MPPED1: variants seen among roughly 807,000 people sequenced by gnomAD.
The protein encoded by MPPED1 is metallophosphoesterase domain-containing protein 1.
In MPPED1, 16 loss-of-function variants were observed where a neutral mutation model predicts 36.2. That is an observed-to-expected ratio of 0.44 (90% CI 0.30 to 0.67). MPPED1 has a LOEUF of 0.67. Ranked by LOEUF, MPPED1 falls within the 30% of genes least tolerant of loss-of-function variation. The pLI is 0.10. For synonymous variants in MPPED1, 199 were observed against 191.3 expected (o/e 1.04, Z -0.33); for missense variants, 307 against 453.4 (o/e 0.68, Z 2.93).
chr22:43,434,303 C>T (rs936391651), intron 2 of MPPED1, among the ~76,000 whole-genome samples: 1 of 152,362 alleles, frequency 6.6e-6, no homozygotes, highest in African/African-American at 2.4e-5. Context: ...TAGAAATGAT[C>T]ACACTGTCTT....
chr22:43,444,822 T>G (rs1279177540), intron 3 of MPPED1, among the ~76,000 whole-genome samples: 2 of 152,254 alleles, frequency 1.3e-5, no homozygotes, highest in Non-Finnish European at 2.9e-5. Context: ...TGTAGTTTGT[T>G]ATTCATTTGG....
chr22:43,488,852 G>A (rs1184686907), intron 4 of MPPED1, among the ~76,000 whole-genome samples: 2 of 152,248 alleles, frequency 1.3e-5, no homozygotes, highest in Non-Finnish European at 2.9e-5. Context: ...CAGGCGCTGT[G>A]GTGTGCCCCG....
intron 4 of MPPED1, among the ~76,000 whole-genome samples, chr22:43,493,430 T>G (rs1461162503): frequency 6.6e-6 from 1 of 152,164 alleles, no homozygotes; most frequent in African/African-American, 2.4e-5. Context: ...TGAGCACTGG[T>G]GCTGGTGATG....
intron 3 of MPPED1, among the ~76,000 whole-genome samples, chr22:43,445,925 C>T (rs140895408): frequency 0.011 from 1,394 of 126,006 alleles, 69 homozygotes; most frequent in Admixed American, 0.095. Flanking sequence ...GGCTGGAGTG[C>T]AGTGGTGTGA....
intron 3 of MPPED1, among the ~76,000 whole-genome samples, chr22:43,465,078 A>T (rs1048403509): frequency 6.6e-6 from 1 of 152,174 alleles, no homozygotes; most frequent in African/African-American, 2.4e-5. Flanking sequence ...CAGGACCTTT[A>T]TGTCACGTCT....
chr22:43,412,105 G>T lies in MPPED1; in HGVS notation c.-132G>T. On this transcript the variant is annotated 5_prime_UTR_variant, in exon 1 of 7. Coordinates refer to ENST00000443721, the MANE Select transcript of MPPED1 (RefSeq NM_001044370.2). The stretch of plus-strand genomic sequence containing the variant: ...CTCCCGGGAGCCCCTGCCTCCCTCG[G>T]TGCGCGCTGCTGCTCGCAGCCGCCG... The T allele has an allele frequency of 1.0e-6, 1 of 979,600 alleles. No homozygotes were observed. The highest frequency in any genetic ancestry group is 1.2e-6 in the Non-Finnish European group (1 of 827,646). The allele number at this position is 979,600 out of a possible 1,614,324, so 60.7% of individuals were successfully genotyped here.
At chr22:43,423,831 C>T (rs140283354) in intron 1 of MPPED1, among the ~76,000 whole-genome samples, 263 of 152,298 alleles carry the variant, frequency 1.7e-3, no homozygotes, top group African/African-American at 5.8e-3. Flanking sequence ...CAAAAGGAAT[C>T]GTTGGAGGGT....
At chr22:43,442,496 GC>G (rs1930185057) in intron 3 of MPPED1, among the ~76,000 whole-genome samples, 1 of 152,194 alleles carries the variant, frequency 6.6e-6, no homozygotes, top group Admixed American at 6.5e-5. Flanking sequence ...TAGTACCTGG[GC>G]ACCCGCCCCT....
rs568696291 is a variant in MPPED1, at chr22:43,470,398, A to G, written c.407-4338A>G. Among the ~76,000 whole-genome samples the G allele has an allele frequency of 7.9e-5, 12 of 151,934 alleles. No homozygotes were observed. The South Asian group carries it at 2.3e-3, about 29-fold the overall frequency. On this transcript the variant is annotated intron_variant, in intron 3 of 6. Coordinates refer to ENST00000443721, the MANE Select transcript of MPPED1 (RefSeq NM_001044370.2). ...AAAGCACCCATTCATCCACTCATCC[A>G]TCTGTCTATCTGTAAGCCATCCATT... is the stretch of plus-strand genomic sequence containing the variant.
chr22:43,462,631 C>T (rs151140977), intron 3 of MPPED1, among the ~76,000 whole-genome samples: 14 of 152,222 alleles, frequency 9.2e-5, no homozygotes, highest in African/African-American at 3.4e-4. Flanking sequence ...TTTCATGTGT[C>T]CATCATAGTT....
intron 4 of MPPED1, among the ~76,000 whole-genome samples, chr22:43,489,253 C>A: frequency 6.6e-6 from 1 of 152,114 alleles, no homozygotes; most frequent in East Asian, 1.9e-4. Context: ...TCTTTTGTCT[C>A]CTCTGCCCAG....
At chr22:43,476,334 C>T (rs1601997410) in intron 4 of MPPED1, among the ~76,000 whole-genome samples, 1 of 152,084 alleles carries the variant, frequency 6.6e-6, no homozygotes, top group East Asian at 1.9e-4. Flanking sequence ...TCCTGGAAGG[C>T]TCCCTGGAGG....
At chr22:43,435,970 T>A (rs990564701) in intron 3 of MPPED1, among the ~76,000 whole-genome samples, 5 of 152,178 alleles carry the variant, frequency 3.3e-5, no homozygotes, top group African/African-American at 1.2e-4. Flanking sequence ...CCTAGCTCAG[T>A]CACCCACTGC....
intron 3 of MPPED1, among the ~76,000 whole-genome samples, chr22:43,437,777 G>A (rs569594944): frequency 6.6e-6 from 1 of 152,172 alleles, no homozygotes; most frequent in African/African-American, 2.4e-5. Context: ...GTAAAGTGCT[G>A]TATACCTGTT....
rs1555904910 is a variant in MPPED1, at chr22:43,500,184, ATGG to A, written c.748+1837_748+1839del. On this transcript the variant is annotated intron_variant, in intron 5 of 6. Coordinates refer to ENST00000443721, the MANE Select transcript of MPPED1 (RefSeq NM_001044370.2). ...GGTGATGGTGATGGAGGTGGTGGTGATGGTGATGGAGGTGGTAATGGAGGTGGT... is the reference window on the plus strand; with the variant it reads ...GGTGATGGTGATGGAGGTGGTGGTGATGATGGAGGTGGTAATGGAGGTGGT... Among the ~76,000 whole-genome samples the A allele has an allele frequency of 1.2e-3, 15 of 12,792 alleles. 1 individual carries two copies. The highest frequency in any genetic ancestry group is 6.9e-3 in the East Asian group (2 of 288). The allele number at this position is 12,792 out of a possible 152,430, so 8.4% of individuals were successfully genotyped here. A position where few individuals can be genotyped will look rare whatever the true frequency, so the allele number is the denominator to read the frequency against.
chr22:43,428,010 A>C (rs942131232), intron 2 of MPPED1, among the ~76,000 whole-genome samples: 2 of 152,186 alleles, frequency 1.3e-5, no homozygotes, highest in Admixed American at 1.3e-4. Flanking sequence ...CGCGGTGGGC[A>C]GCAAGCGTTC....
At chr22:43,431,418 G>A (rs183154988) in intron 2 of MPPED1, among the ~76,000 whole-genome samples, 7 of 152,166 alleles carry the variant, frequency 4.6e-5, no homozygotes, top group East Asian at 1.9e-4. Context: ...TCTTCACACC[G>A]GTGGCCTCTG....
chr22:43,453,975 C>A (rs1198591623), intron 3 of MPPED1, among the ~76,000 whole-genome samples: 1 of 152,068 alleles, frequency 6.6e-6, no homozygotes, highest in Non-Finnish European at 1.5e-5. Flanking sequence ...TGGCATCCAC[C>A]ATTCTACTTT....
chr22:43,502,800 C>G lies in MPPED1; in HGVS notation c.862+43C>G. The G allele has an allele frequency of 6.6e-7, 1 of 1,504,648 alleles. No individual in the cohort carries two copies. The highest frequency in any genetic ancestry group is 9.2e-7 in the Non-Finnish European group (1 of 1,081,600). 93.2% of individuals were successfully genotyped at this position (1,504,648 alleles called of 1,614,324 possible). On this transcript the variant is annotated intron_variant, in intron 6 of 6. Transcript: ENST00000443721. This position sits in a 1 kb window ranked among gnomAD's most constrained non-coding sequence, Gnocchi z 5.5. ...ACAGGCACCTCACGGGCTAGGGGCT[C>G]CTAATGGACCCTCCAGCAGGACCTC...
Sources: gnomAD v4.1 joint callset for allele counts (sites outside exome capture counted in the v4.1 genomes callset) on GRCh38, gnomAD v4.1.1 for gene constraint, Gnocchi (gnomAD v3.1) non-coding constraint, MANE v1.5 for transcripts, NCBI Gene and HGNC (gene_info 2026-07-23, HGNC 2026-07-21) for gene names.